Variants in TRAF7 observed in about 807,000 individuals in gnomAD.
The protein encoded by TRAF7 is TNF receptor associated factor 7.
Under a neutral mutation model 89.3 loss-of-function variants are expected in TRAF7, and 45 were observed. The ratio of observed to expected loss-of-function variants is 0.50; its 90% CI spans 0.40 to 0.65. The LOEUF is 0.65. Ranked by LOEUF, TRAF7 falls within the 30% of genes least tolerant of loss-of-function variation. The probability of loss-of-function intolerance (pLI) is 0.00; values close to 1 mark genes in which losing one functional copy is unlikely to be tolerated. For missense variants in TRAF7, 677 were observed against 918.1 expected, an observed-to-expected ratio of 0.74 and a Z score of 3.39; for synonymous variants, 406 against 369.2, an observed-to-expected ratio of 1.10 and a Z score of -1.14.
In TRAF7 at chr16:2,175,317, A is replaced by C. The variant is rs1238586577; in HGVS notation, c.1403A>C (p.Asn468Thr). ...DCTIIVWDIQ[N>T]LQKVNTIRAH... The stretch of plus-strand genomic sequence containing the variant: ...CCCAATCAGGTGTGGGACATCCAGA[A>C]CCTGCAGAAGGTGAACACCATCCGG... The change falls in exon 16 of 21, where the codon AAC becomes ACC. Residue 468 changes from asparagine to threonine, a missense_variant. By Grantham distance (65) the Asn-to-Thr change is moderately conservative (BLOSUM62 0). Around this residue, in one of 6 missense-constraint regions of TRAF7, gnomAD observed 160 missense variants for 263.7 expected, o/e 0.61. Coordinates refer to ENST00000326181, the MANE Select transcript of TRAF7 (RefSeq NM_032271.3). 5 of 1,613,254 alleles carry C rather than the reference A, an allele frequency of 3.1e-6. No homozygotes were observed. The highest frequency in any genetic ancestry group is 4.2e-6 in the Non-Finnish European group (5 of 1,179,954).
chr16:2,177,136 C>T lies in TRAF7; in HGVS notation c.*562C>T, dbSNP rs1308704797. ...CACCCAAGCTGCTGGCCTCCAGTCC[C>T]ATCTCCCCCAACACATGTGCCCCCA... On this transcript the variant is annotated 3_prime_UTR_variant, in exon 21 of 21. Coordinates refer to ENST00000326181, the MANE Select transcript of TRAF7 (RefSeq NM_032271.3). The T allele has an allele frequency of 7.7e-6, 2 of 259,910 alleles. No individual in the cohort carries two copies. The highest frequency in any genetic ancestry group is 1.5e-5 in the Non-Finnish European group (2 of 133,044). The allele number at this position is 259,910 out of a possible 1,614,324, so 16.1% of individuals were successfully genotyped here.
chr16:2,168,193 G>T lies in TRAF7; in HGVS notation c.231+25G>T, dbSNP rs746174673. 1.3e-6 allele frequency: 2 copies of T among 1,586,430 alleles called. No individual in the cohort carries two copies. Among genetic ancestry groups the T allele is most frequent in the South Asian group, 1.1e-5 (1 of 88,314 alleles). ...GGTAGGTCCCTACCCCCAGGAGCCC[G>T]TGTGAGCCTCAGCCTCCCCCCATCC... On this transcript the variant is annotated intron_variant, in intron 4 of 20. Transcript: ENST00000326181. This position sits in a 1 kb window ranked among gnomAD's most constrained non-coding sequence, Gnocchi z 4.1.
At position 2,171,700 on chromosome 16, in the gene TRAF7, C is replaced by T. The variant is rs555950090; in HGVS notation, c.475+95C>T. ...TCTCCCTTGTCCCCTGCACAGCGTC[C>T]GGCCCTGTTTGGCCTCTGCTGGGGT... On this transcript the variant is annotated intron_variant, in intron 7 of 20. Coordinates refer to ENST00000326181, the MANE Select transcript of TRAF7 (RefSeq NM_032271.3). 2.4e-4 allele frequency: 380 copies of T among 1,585,570 alleles called. 3 individuals are homozygous for T. The highest frequency in any genetic ancestry group is 2.2e-3 in the African/African-American group (160 of 74,296).
chr16:2,159,567 G>A lies in TRAF7; in HGVS notation c.-39+3709G>A, dbSNP rs1443399604. Among the ~76,000 whole-genome samples the A allele has an allele frequency of 6.6e-6, 1 of 152,204 alleles. No individual in the cohort carries two copies. Among genetic ancestry groups the A allele is most frequent in the African/African-American group, 2.4e-5 (1 of 41,442 alleles). On this transcript the variant is annotated intron_variant, in intron 1 of 20. Transcript: ENST00000326181. The surrounding 1 kb of genome is among the most constrained non-coding windows in gnomAD (Gnocchi z 6.5). ...GCCAGGGGGCTGAGGCAGGGGCTGG[G>A]CTGGGGCGGGCAGTCTGTGGGTGCC...
rs994998211 is a variant in TRAF7, at chr16:2,176,289, T to G, written c.1903T>G (p.Cys635Gly). The change falls in exon 20 of 21, where the codon TGC becomes GGC. Residue 635 changes from cysteine to glycine, a missense_variant. By Grantham distance (159) the Cys-to-Gly change is radical. Around this residue, in one of 6 missense-constraint regions of TRAF7, gnomAD observed 160 missense variants for 263.7 expected, o/e 0.61. Coordinates refer to ENST00000326181, the MANE Select transcript of TRAF7 (RefSeq NM_032271.3). ...GGTCTGGAGTATGGACAACATGATCTGCACGCAGACCCTGCTGCGTCACCA... is the reference window on the plus strand; with the variant it reads ...GGTCTGGAGTATGGACAACATGATCGGCACGCAGACCCTGCTGCGTCACCA... Reference protein sequence around the residue: ...LRVWSMDNMICTQTLLRHQGS... With the variant: ...LRVWSMDNMIGTQTLLRHQGS... 1.2e-6 allele frequency: 2 copies of G among 1,603,174 alleles called. No homozygotes were observed. The highest frequency in any genetic ancestry group is 1.7e-6 in the Non-Finnish European group (2 of 1,179,406).
intron 12 of TRAF7, 26 bp downstream of exon 12, chr16:2,173,862 C>T (rs555721847): frequency 1.3e-4 from 86 of 647,876 alleles, no homozygotes; most frequent in South Asian, 2.8e-4. Context: ...CCGTGGCTCC[C>T]GCCCACCCTC....
rs2093138205 is a variant in TRAF7, at chr16:2,176,635, T to C, written c.*61T>C. ...AGCCCTGGACCTTTCTGAGCCAGGC[T>C]GGCCACATGGGGTGGTCTCGGGGTT... On this transcript the variant is annotated 3_prime_UTR_variant, in exon 21 of 21. Transcript: ENST00000326181. 1 of 1,612,278 alleles carries C rather than the reference T, an allele frequency of 6.2e-7. No homozygotes were observed. The highest frequency in any genetic ancestry group is 1.3e-5 in the African/African-American group (1 of 74,868).
In TRAF7 at chr16:2,161,321, T is replaced by A. The variant is rs1197028056; in HGVS notation, c.-38-2562T>A. ...ACACCCCACAGATCCTGTGGTGTTG[T>A]CCCCGTGGCCCGGCTGCTGTTGGCC... On this transcript the variant is annotated intron_variant, in intron 1 of 20. Coordinates refer to ENST00000326181, the MANE Select transcript of TRAF7 (RefSeq NM_032271.3). The surrounding 1 kb of genome is among the most constrained non-coding windows in gnomAD (Gnocchi z 5.2). Among the ~76,000 whole-genome samples, 2 of 151,748 alleles carry A rather than the reference T, an allele frequency of 1.3e-5. No homozygotes were observed. Among genetic ancestry groups the A allele is most frequent in the Non-Finnish European group, 2.9e-5 (2 of 67,936 alleles).
chr16:2,164,178 GCGCA>G (rs1302430108), intron 2 of TRAF7, among the ~76,000 whole-genome samples, 177 bp downstream of exon 2: 2 of 131,214 alleles, frequency 1.5e-5, no homozygotes, highest in Non-Finnish European at 3.3e-5. Flanking sequence ...GCGCGCGCGC[GCGCA>G]CGCGTGCGTG....
chr16:2,177,933 C>CGCAG lies in TRAF7; in HGVS notation c.*1364_*1367dup, dbSNP rs2093147565. On this transcript the variant is annotated 3_prime_UTR_variant, in exon 21 of 21. Coordinates refer to ENST00000326181, the MANE Select transcript of TRAF7 (RefSeq NM_032271.3). ...CCTCCACTCTGGCCGGAGGAAGGACCGCAGGCAGACAGCCTGGGCCTCTAA... is the reference window on the plus strand; with the variant it reads ...CCTCCACTCTGGCCGGAGGAAGGACCGCAGGCAGGCAGACAGCCTGGGCCTCTAA... 2.9e-6 allele frequency: 1 copy of CGCAG among 348,108 alleles called. No homozygotes were observed. The highest frequency in any genetic ancestry group is 5.4e-6 in the Non-Finnish European group (1 of 185,236). 21.6% of individuals were successfully genotyped at this position (348,108 alleles called of 1,614,324 possible).
rs987512473 is a variant in TRAF7 at position 2,175,289 on chromosome 16, T to G, written c.1387-12T>G. Reference sequence around the variant, plus strand: ...CTTGGTGCCCTGAGGCTGCCGGTCCTTCCCCAATCAGGTGTGGGACATCCA... The same window carrying G: ...CTTGGTGCCCTGAGGCTGCCGGTCCGTCCCCAATCAGGTGTGGGACATCCA... On this transcript the variant is annotated splice_polypyrimidine_tract_variant and intron_variant, in intron 15 of 20. Transcript: ENST00000326181. The G allele has an allele frequency of 1.2e-6, 2 of 1,612,886 alleles. No homozygotes were observed. The highest frequency in any genetic ancestry group is 2.7e-5 in the African/African-American group (2 of 74,924).
Position 2,162,153 on chromosome 16 carries a change from G to A in TRAF7, c.-38-1730G>A, listed in dbSNP as rs2093060563. On this transcript the variant is annotated intron_variant, in intron 1 of 20. Transcript: ENST00000326181. The surrounding 1 kb of genome is among the most constrained non-coding windows in gnomAD (Gnocchi z 5.0). ...CCAACTGCAGGGGCTGAGATGTCGGGTTGAGCCCGAGTCCTGAAGGCTGAG... is the reference window on the plus strand; with the variant it reads ...CCAACTGCAGGGGCTGAGATGTCGGATTGAGCCCGAGTCCTGAAGGCTGAG... 6.6e-6 allele frequency among the ~76,000 whole-genome samples: 1 copy of A among 152,274 alleles called. No homozygotes were observed. The highest frequency in any genetic ancestry group is 1.5e-5 in the Non-Finnish European group (1 of 68,050).
At chr16:2,155,906 C>T (rs1186258361) in intron 1 of TRAF7, 48 bp downstream of exon 1, 1 of 148,066 alleles carries the variant, frequency 6.8e-6, no homozygotes, top group Non-Finnish European at 1.5e-5. Flanking sequence ...GCCTCGGGAC[C>T]GCGCGGTGGG....
At chr16:2,171,218 T>C in intron 5 of TRAF7, 46 bp from the exon 6 acceptor site, 1 of 1,487,464 alleles carries the variant, frequency 6.7e-7, no homozygotes. Flanking sequence ...GTGGCGGGGC[T>C]GAGGGTGGCC....
Position 2,176,694 on chromosome 16 carries a change from C to G in TRAF7, c.*120C>G. On this transcript the variant is annotated 3_prime_UTR_variant, in exon 21 of 21. Transcript: ENST00000326181. ...CCCCGTGGGCATAGGTGGACAGGCT[C>G]TGGCAGCCGGGCAGTGCCCTCCCCG... 1 of 1,485,098 alleles carries G rather than the reference C, an allele frequency of 6.7e-7. No individual in the cohort carries two copies. The highest frequency in any genetic ancestry group is 9.3e-7 in the Non-Finnish European group (1 of 1,077,774). 92.0% of individuals were successfully genotyped at this position (1,485,098 alleles called of 1,614,324 possible). A position where few individuals can be genotyped will look rare whatever the true frequency, so the allele number is the denominator to read the frequency against.
At position 2,176,395 on chromosome 16, in the gene TRAF7, G is replaced by T; in HGVS notation, c.1998+11G>T. 6.2e-7 allele frequency: 1 copy of T among 1,610,182 alleles called. No individual in the cohort carries two copies. The highest frequency in any genetic ancestry group is 2.2e-5 in the East Asian group (1 of 44,858). Reference sequence around the variant, plus strand: ...GATAGCACTGTGAAGGTCAGTGCCCGTGGCTCAGGCCATTCAAAGGGGCTG... The same window carrying T: ...GATAGCACTGTGAAGGTCAGTGCCCTTGGCTCAGGCCATTCAAAGGGGCTG... On this transcript the variant is annotated intron_variant, in intron 20 of 20. Transcript: ENST00000326181.
chr16:2,165,778 G>A, intron 2 of TRAF7, 101 bp from the exon 3 acceptor site: 1 of 1,362,856 alleles, frequency 7.3e-7, no homozygotes, highest in Non-Finnish European at 1.0e-6. Flanking sequence ...AGTGCTGCGT[G>A]GCCTGGCCTG....
intron 1 of TRAF7, among the ~76,000 whole-genome samples, chr16:2,157,763 C>T (rs929819098): frequency 6.6e-6 from 1 of 151,976 alleles, no homozygotes; most frequent in Non-Finnish European, 1.5e-5. Flanking sequence ...GGGACTGGCT[C>T]AGGCGCTGCC....
At chr16:2,175,675 C>T (rs2141295848) in intron 17 of TRAF7, 53 bp downstream of exon 17, 11 of 1,597,350 alleles carry the variant, frequency 6.9e-6, no homozygotes, top group Non-Finnish European at 9.4e-6. Flanking sequence ...ACCAGCACTT[C>T]CCAGGCCAGC....
Sources: allele counts gnomAD v4.1 joint callset (sites outside exome capture counted in the v4.1 genomes callset), GRCh38; gene constraint gnomAD v4.1.1; regional missense constraint gnomAD v4.1.1; non-coding constraint Gnocchi (gnomAD v3.1); transcripts MANE v1.5; gene names NCBI Gene and HGNC (gene_info 2026-07-23, HGNC 2026-07-21).